The following TENM4 variants were observed in gnomAD, a reference collection of about 807,000 sequenced individuals.
TENM4 encodes teneurin transmembrane protein 4.
Under a neutral mutation model 243.3 loss-of-function variants are expected in TENM4, and 82 were observed. The observed-to-expected ratio is 0.34, with a 90% CI of 0.28 to 0.40. The LOEUF is 0.40. Ranked by LOEUF, TENM4 falls within the 10% of genes least tolerant of loss-of-function variation. The probability of loss-of-function intolerance (pLI) is 1.00; values close to 1 mark genes in which losing one functional copy is unlikely to be tolerated. For synonymous variants in TENM4, 1,412 were observed against 1,456.3 expected, an observed-to-expected ratio of 0.97 and a Z score of 0.69; for missense variants, 3,138 against 3,673.3, an observed-to-expected ratio of 0.85 and a Z score of 3.77.
intron 1 of TENM4, among the ~76,000 whole-genome samples, chr11:79,376,147 CAACAGGG>C (rs1429805968): frequency 4.6e-5 from 7 of 152,318 alleles, no homozygotes; most frequent in South Asian, 4.1e-4. Flanking sequence ...ATGTACAGTA[CAACAGGG>C]AACGCATCCA....
intron 17 of TENM4, among the ~76,000 whole-genome samples, chr11:78,772,159 C>T (rs1388843801): frequency 6.6e-6 from 1 of 152,074 alleles, no homozygotes; most frequent in African/African-American, 2.4e-5. Flanking sequence ...CTGCTTGGAC[C>T]ATATTATAAA....
At chr11:79,110,772 C>T (rs1046981159) in intron 4 of TENM4, among the ~76,000 whole-genome samples, 1 of 152,178 alleles carries the variant, frequency 6.6e-6, no homozygotes, top group Admixed American at 6.5e-5. Flanking sequence ...GGGACACTGG[C>T]ACCTGGGACA....
intron 1 of TENM4, among the ~76,000 whole-genome samples, chr11:79,396,569 C>A (rs1235874179): frequency 2.0e-5 from 3 of 152,200 alleles, no homozygotes; most frequent in Non-Finnish European, 4.4e-5. Flanking sequence ...TTTGCAGGGA[C>A]CCCTTCCACC....
intron 11 of TENM4, 55 bp from the exon 12 acceptor site, chr11:78,854,369 G>C (rs1033863229): frequency 7.1e-7 from 1 of 1,414,012 alleles, no homozygotes; most frequent in Non-Finnish European, 9.3e-7. Flanking sequence ...ACGCACCAGC[G>C]TCCTTCCCGG....
intron 1 of TENM4, among the ~76,000 whole-genome samples, chr11:79,327,649 C>CCT (rs1555049261): frequency 8.3e-6 from 1 of 119,810 alleles, no homozygotes; most frequent in South Asian, 3.1e-4. Flanking sequence ...AATTGGAAAG[C>CCT]TTTTTTTTTT....
At chr11:78,868,606 G>T (rs1416232687) in intron 9 of TENM4, among the ~76,000 whole-genome samples, 1 of 152,164 alleles carries the variant, frequency 6.6e-6, no homozygotes, top group African/African-American at 2.4e-5. Context: ...TTAAAGAAAG[G>T]CTCCATAGAT....
intron 16 of TENM4, among the ~76,000 whole-genome samples, chr11:78,783,783 A>T (rs7102947): frequency 0.018 from 2,666 of 152,340 alleles, 88 homozygotes; most frequent in African/African-American, 0.062. Flanking sequence ...GAGAAGAATC[A>T]TGTAGCTTCC....
chr11:78,798,574 G>C (rs1371126509), intron 15 of TENM4, among the ~76,000 whole-genome samples: 1 of 152,200 alleles, frequency 6.6e-6, no homozygotes, highest in Non-Finnish European at 1.5e-5. Context: ...TTTAAGCCAA[G>C]ATTTTCGGCA....
chr11:79,024,519 T>C lies in TENM4; in HGVS notation c.493+40219A>G, dbSNP rs183586963. Among the ~76,000 whole-genome samples, 27 of 152,324 alleles carry C rather than the reference T, an allele frequency of 1.8e-4. No individual in the cohort carries two copies. In the East Asian group the frequency reaches 5.0e-3, roughly 28 times the overall value. On this transcript the variant is annotated intron_variant, in intron 6 of 33. Coordinates refer to ENST00000278550, the MANE Select transcript of TENM4 (RefSeq NM_001098816.3). ...CAATGGAAAAGTCAGATTTAATATA[T>C]AGAAAATTGGTTTACACCATAAAAT...
At chr11:78,812,508 G>A (rs536766178) in intron 13 of TENM4, among the ~76,000 whole-genome samples, 192 bp from the exon 14 acceptor site, 13 of 152,308 alleles carry the variant, frequency 8.5e-5, no homozygotes, top group South Asian at 8.3e-4. Context: ...TAGATTTGTA[G>A]GTGATAGTGC....
intron 1 of TENM4, among the ~76,000 whole-genome samples, chr11:79,408,125 A>G (rs1858612754): frequency 1.3e-5 from 2 of 152,198 alleles, no homozygotes; most frequent in South Asian, 4.1e-4. Flanking sequence ...GCTGGTATCG[A>G]ACTCCTGACC....
intron 6 of TENM4, among the ~76,000 whole-genome samples, chr11:78,922,485 A>C (rs922136268): frequency 3.9e-5 from 6 of 152,226 alleles, no homozygotes; most frequent in Non-Finnish European, 7.3e-5. Context: ...AATCTGACTT[A>C]ACTCTTATGA....
intron 6 of TENM4, among the ~76,000 whole-genome samples, chr11:78,915,937 G>T (rs577509134): frequency 4.1e-4 from 62 of 152,334 alleles, no homozygotes; most frequent in African/African-American, 1.4e-3. Flanking sequence ...TTGGCTAAAA[G>T]GTCGCTAGAA....
chr11:78,991,806 A>G (rs972311536), intron 6 of TENM4, among the ~76,000 whole-genome samples: 1 of 152,172 alleles, frequency 6.6e-6, no homozygotes, highest in African/African-American at 2.4e-5. Context: ...GGCCAATTAT[A>G]CAGTCTAGGA....
intron 6 of TENM4, among the ~76,000 whole-genome samples, chr11:78,982,738 C>T (rs75696527): frequency 0.017 from 2,576 of 152,332 alleles, 69 homozygotes; most frequent in African/African-American, 0.058. Flanking sequence ...TGGCTCTCCA[C>T]GTCAAAAATT....
intron 6 of TENM4, among the ~76,000 whole-genome samples, chr11:78,956,714 C>A (rs1293119446): frequency 6.6e-6 from 1 of 152,126 alleles, no homozygotes; most frequent in Non-Finnish European, 1.5e-5. Context: ...ATTCTGAAAC[C>A]CCAAAACTCT....
intron 1 of TENM4, among the ~76,000 whole-genome samples, chr11:79,319,604 G>A (rs1856855364): frequency 1.3e-5 from 2 of 152,120 alleles, no homozygotes; most frequent in Admixed American, 6.5e-5. Flanking sequence ...TGCCAGCAAC[G>A]CGCAGCCTGA....
rs754346137 is a variant in TENM4 at position 78,712,637 on chromosome 11, C to A, written c.3899G>T (p.Arg1300Leu). 2 of 1,613,942 alleles carry A rather than the reference C, an allele frequency of 1.2e-6. No individual in the cohort carries two copies. The highest frequency in any genetic ancestry group is 1.7e-6 in the Non-Finnish European group (2 of 1,179,882). Residue 1300 changes from arginine (R) to leucine (L), a missense_variant, in exon 26 of 34, where the codon CGG becomes CTG. By Grantham distance (102) the Arg-to-Leu change is moderately radical. Coordinates refer to ENST00000278550, the MANE Select transcript of TENM4 (RefSeq NM_001098816.3). The part of the protein sequence containing the change: ...GAVFLSDSNS[R>L]RVFKIKSTVV... ...AGTGGACTTGATTTTAAAGACCCGC[C>A]GGCTGTTGCTGTCAGAAAGGAAGAC...
At chr11:78,891,398 G>T in intron 7 of TENM4, 62 bp from the exon 8 acceptor site, 1 of 1,439,346 alleles carries the variant, frequency 6.9e-7, no homozygotes, top group Non-Finnish European at 9.5e-7. Flanking sequence ...GGGGCTAGTA[G>T]AGAAACACAC....
Sources: gnomAD v4.1 joint callset for allele counts (sites outside exome capture counted in the v4.1 genomes callset) on GRCh38, gnomAD v4.1.1 for gene constraint, MANE v1.5 for transcripts, NCBI Gene and HGNC (gene_info 2026-07-23, HGNC 2026-07-21) for gene names.